The following PKD2 variants were observed in gnomAD, a reference collection of about 807,000 sequenced individuals.
PKD2 encodes polycystin-2.
PKD2 carries 48 observed loss-of-function variants against 105.9 expected under a neutral mutation model. That is an observed-to-expected ratio of 0.45 (90% confidence interval 0.36 to 0.58). PKD2 has a LOEUF of 0.58. Ranked by LOEUF, PKD2 falls within the 20% of genes least tolerant of loss-of-function variation. The probability of loss-of-function intolerance (pLI) is 0.00; values close to 1 mark genes in which losing one functional copy is unlikely to be tolerated. For missense variants in PKD2, 1,078 were observed against 1,255.3 expected (o/e 0.86, Z 2.13); for synonymous variants, 464 against 481.1 (o/e 0.96, Z 0.46).
At chr4:88,058,838 G>T (rs1720456501) in intron 9 of PKD2, among the ~76,000 whole-genome samples, 1 of 151,856 alleles carries the variant, frequency 6.6e-6, no homozygotes, top group Non-Finnish European at 1.5e-5. Flanking sequence ...TTTTTTTAAG[G>T]TGTTTTGTTC....
chr4:88,021,741 CTTCTACCCAG>C (rs1726755300), intron 2 of PKD2, among the ~76,000 whole-genome samples: 1 of 152,232 alleles, frequency 6.6e-6, no homozygotes, highest in South Asian at 2.1e-4. Flanking sequence ...TCTCTTATAA[CTTCTACCCAG>C]TTGCACCCTC....
At position 88,075,045 on chromosome 4, in the gene PKD2, T is replaced by C. The variant is rs77900002; in HGVS notation, c.2670+86T>C. ...GTTGCTGACAGTTGTATTTGAAGTA[T>C]TGAAGAAGAGTAAAAAAAATTTACG... On this transcript the variant is annotated intron_variant, in intron 14 of 14. Transcript: ENST00000237596. The C allele has an allele frequency of 1.9e-4, 278 of 1,448,302 alleles. 1 individual carries two copies. In the African/African-American group the frequency reaches 3.6e-3, roughly 19 times the overall value. 89.7% of individuals were successfully genotyped at this position (1,448,302 alleles called of 1,614,324 possible). A position where few individuals can be genotyped will look rare whatever the true frequency, so the allele number is the denominator to read the frequency against.
intron 6 of PKD2, among the ~76,000 whole-genome samples, chr4:88,048,898 G>T (rs1337755627): frequency 6.6e-6 from 1 of 152,228 alleles, no homozygotes; most frequent in African/African-American, 2.4e-5. Context: ...ATGGCAGAGT[G>T]CAGGCCATAT....
At chr4:88,049,883 T>C (rs1281201440) in intron 6 of PKD2, among the ~76,000 whole-genome samples, 2 of 151,722 alleles carry the variant, frequency 1.3e-5, no homozygotes, top group African/African-American at 4.8e-5. Context: ...CTTTCAAAAC[T>C]AGAAGAATTA....
At chr4:88,011,312 C>T (rs12503776) in intron 1 of PKD2, among the ~76,000 whole-genome samples, 37,646 of 149,684 alleles carry the variant, frequency 0.25, 5,373 homozygotes, top group Non-Finnish European at 0.32. Flanking sequence ...TTATTTTAGG[C>T]GTATATTCTT....
intron 1 of PKD2, 52 bp downstream of exon 1, chr4:88,008,380 C>T: frequency 6.8e-7 from 1 of 1,478,272 alleles, no homozygotes; most frequent in Non-Finnish European, 9.0e-7. Flanking sequence ...ACGGCCGGCG[C>T]CGGCCGGGGC....
In PKD2 at chr4:88,065,593, CT is replaced by C. The variant is rs111465406; in HGVS notation, c.2240+113del. The C allele has an allele frequency of 0.13, 124,624 of 996,424 alleles. 214 individuals carry two copies. The highest frequency in any genetic ancestry group is 0.16 in the Middle Eastern group (637 of 3,904). 61.7% of individuals were successfully genotyped at this position (996,424 alleles called of 1,614,324 possible). On this transcript the variant is annotated intron_variant, in intron 11 of 14. Transcript: ENST00000237596. ...TCTAGCCCAAGGGCTCATACAGATA[CT>C]TTTTTTTTTTTTTTCCAGAGGCAGG...
chr4:88,054,401 A>G (rs1057448516), intron 7 of PKD2, among the ~76,000 whole-genome samples: 7 of 146,526 alleles, frequency 4.8e-5, no homozygotes, highest in East Asian at 4.0e-4. Context: ...CTTCGTCTCA[A>G]AAAAAAAAAA....
chr4:88,075,640 T>C lies in PKD2; in HGVS notation c.2853T>C (p.Ser951=). 1.2e-6 allele frequency: 2 copies of C among 1,614,126 alleles called. No individual in the cohort carries two copies. The highest frequency in any genetic ancestry group is 1.7e-6 in the Non-Finnish European group (2 of 1,180,016). ...PRSSRPSSSQ[S]TEGMEGAGGN... ...GCTCCCGCCCATCTTCCTCCCAATC[T>C]ACAGAAGGCATGGAAGGTGCAGGTG... The change falls in exon 15 of 15, where the codon TCT becomes TCC. Residue 951 remains serine (S), a synonymous_variant. Transcript: ENST00000237596.
At position 88,074,898 on chromosome 4, in the gene PKD2, T is replaced by C. The variant is rs972623080; in HGVS notation, c.2609T>C (p.Met870Thr). Residue 870 changes from methionine to threonine, a missense_variant, in exon 14 of 15, where the codon ATG becomes ACG. Physicochemically the swap from Met to Thr is moderately conservative, Grantham distance 81 (BLOSUM62 -1). This residue lies in a region of PKD2 where 868 missense variants were observed against 1,067.3 expected (regional missense o/e 0.81). Coordinates refer to ENST00000237596, the MANE Select transcript of PKD2 (RefSeq NM_000297.4). ...GCCGTGATCGTGAAGCTAGAGATTA[T>C]GGAGCGAGCCAAACTGAAGAGGAGG... The part of the protein sequence containing the change: ...IDAVIVKLEI[M>T]ERAKLKRREV... 5 of 1,614,152 alleles carry C rather than the reference T, an allele frequency of 3.1e-6. No homozygotes were observed. The highest frequency in any genetic ancestry group is 2.2e-5 in the East Asian group (1 of 44,876).
intron 1 of PKD2, among the ~76,000 whole-genome samples, chr4:88,014,519 A>C (rs956983702): frequency 6.6e-6 from 1 of 151,848 alleles, no homozygotes; most frequent in South Asian, 2.1e-4. Context: ...TTCTGGAGTC[A>C]ATATTACTTA....
Position 88,007,900 on chromosome 4 carries a change from T to C in PKD2, c.167T>C (p.Met56Thr). The change falls in exon 1 of 15, where the codon ATG becomes ACG. Residue 56 changes from methionine to threonine, a missense_variant. Physicochemically the swap from Met to Thr is moderately conservative, Grantham distance 81. Transcript: ENST00000237596. ...GAGCAGCGGGGCCTGGAGATCGAGA[T>C]GCAGCGCATCCGGCAGGCGGCCGCG... is the stretch of plus-strand genomic sequence containing the variant. ...LCEQRGLEIE[M>T]QRIRQAAARD... The C allele has an allele frequency of 7.0e-7, 1 of 1,419,410 alleles. No homozygotes were observed. The highest frequency in any genetic ancestry group is 9.2e-7 in the Non-Finnish European group (1 of 1,081,188). 87.9% of individuals were successfully genotyped at this position (1,419,410 alleles called of 1,614,324 possible). A position where few individuals can be genotyped will look rare whatever the true frequency, so the allele number is the denominator to read the frequency against.
chr4:88,007,778 C>T lies in PKD2; in HGVS notation c.45C>T (p.Ala15=), dbSNP rs1323629550. 2 of 1,170,978 alleles carry T rather than the reference C, an allele frequency of 1.7e-6. No homozygotes were observed. 72.5% of individuals were successfully genotyped at this position (1,170,978 alleles called of 1,614,324 possible). Residue 15 remains alanine (A), a synonymous_variant, in exon 1 of 15, where the codon GCC becomes GCT. Transcript: ENST00000237596. ...TGCAGCCTCAGCAGCCCGGGGACGC[C>T]AAGCGGCCGCCCGCGCCCCGCGCGC... ...SRVQPQQPGD[A]KRPPAPRAPD...
Position 88,008,060 on chromosome 4 carries a change from A to G in PKD2, c.327A>G (p.Gly109=). The G allele has an allele frequency of 6.6e-7, 1 of 1,521,568 alleles. No individual in the cohort carries two copies. The allele number at this position is 1,521,568 out of a possible 1,614,324, so 94.3% of individuals were successfully genotyped here. A position where few individuals can be genotyped will look rare whatever the true frequency, so the allele number is the denominator to read the frequency against. The change falls in exon 1 of 15, where the codon GGA becomes GGG. Residue 109 remains glycine (G), a synonymous_variant. Transcript: ENST00000237596. ...AGGAGGTGGAAGGGGAAGAAGGCGG[A>G]ATGGTGGTGGAGATGGACGTAGAGT... ...EEEEVEGEEG[G]MVVEMDVEWR...
chr4:88,075,037 T>C (rs1197018026), intron 14 of PKD2, 78 bp downstream of exon 14: 3 of 1,473,236 alleles, frequency 2.0e-6, no homozygotes, highest in African/African-American at 1.4e-5. Context: ...ACAGTTGTAT[T>C]TGAAGTATTG....
At chr4:88,021,514 T>TG (rs1717398660) in intron 2 of PKD2, among the ~76,000 whole-genome samples, 1 of 152,238 alleles carries the variant, frequency 6.6e-6, no homozygotes, top group Non-Finnish European at 1.5e-5. Context: ...TTTGGAATAT[T>TG]GTAGAATCTC....
rs757682666 is a variant in PKD2, at chr4:88,068,047, C to G, written c.2508C>G (p.Tyr836Ter). 1 of 1,614,004 alleles carries G rather than the reference C, an allele frequency of 6.2e-7. No homozygotes were observed. The highest frequency in any genetic ancestry group is 8.5e-7 in the Non-Finnish European group (1 of 1,179,908). Reference protein sequence around the residue: ...RRGSISSGVSYEEFQVLVRRV... With the variant: ...RRGSISSGVS ...GAAGCATTTCTAGTGGCGTTTCTTACGAAGAGTTTCAAGTGTAAGTATAAA... is the reference window on the plus strand; with the variant it reads ...GAAGCATTTCTAGTGGCGTTTCTTAGGAAGAGTTTCAAGTGTAAGTATAAA... The change falls in exon 13 of 15, where the codon TAC becomes TAG. Residue 836 changes from tyrosine (Y) to a stop codon, truncating the protein, a stop_gained. Transcript: ENST00000237596. LOFTEE classifies it high-confidence loss of function.
In PKD2 at chr4:88,063,174, CACAA is replaced by C. The variant is rs146582291; in HGVS notation, c.2118+1176_2118+1179del. Among the ~76,000 whole-genome samples the C allele has an allele frequency of 9.0e-3, 1,377 of 152,330 alleles. 20 individuals are homozygous for C. Among genetic ancestry groups the C allele is most frequent in the African/African-American group, 0.031 (1,300 of 41,564 alleles). ...GTCACTGAGCATCTGCTATCCAATT[CACAA>C]ACAAAGAAAGCATGTAGTGTTGCTT... On this transcript the variant is annotated intron_variant, in intron 10 of 14. Coordinates refer to ENST00000237596, the MANE Select transcript of PKD2 (RefSeq NM_000297.4).
chr4:88,077,539 T>C lies in PKD2; in HGVS notation c.*1845T>C, dbSNP rs1443034470. ...CTCTTTATGATACTTTTTATTGTACTGTTTTTCATTTCACTTGCAAAATTT... is the reference window on the plus strand; with the variant it reads ...CTCTTTATGATACTTTTTATTGTACCGTTTTTCATTTCACTTGCAAAATTT... On this transcript the variant is annotated 3_prime_UTR_variant, in exon 15 of 15. Coordinates refer to ENST00000237596, the MANE Select transcript of PKD2 (RefSeq NM_000297.4). 6.6e-6 allele frequency: 1 copy of C among 152,656 alleles called. No homozygotes were observed. Among genetic ancestry groups the C allele is most frequent in the Non-Finnish European group, 1.5e-5 (1 of 68,036 alleles). The allele number at this position is 152,656 out of a possible 1,614,324, so 9.5% of individuals were successfully genotyped here. A position where few individuals can be genotyped will look rare whatever the true frequency, so the allele number is the denominator to read the frequency against.
Sources: allele counts gnomAD v4.1 joint callset (sites outside exome capture counted in the v4.1 genomes callset), GRCh38; gene constraint gnomAD v4.1.1; regional missense constraint gnomAD v4.1.1; transcripts MANE v1.5; gene names NCBI Gene and HGNC (gene_info 2026-07-23, HGNC 2026-07-21).